The following AGBL1 variants were observed in gnomAD, a reference collection of about 807,000 sequenced individuals.
The protein encoded by AGBL1 is AGBL carboxypeptidase 1.
AGBL1 carries 130 observed loss-of-function variants against 118.9 expected under a neutral mutation model. That is an observed-to-expected ratio of 1.09 (90% CI 0.95 to 1.26). The LOEUF is 1.26. Among genes scored for constraint, AGBL1 ranks in the 50% most tolerant of loss-of-function variants. AGBL1 has a pLI of 0.00. For synonymous variants in AGBL1, 555 were observed against 478.9 expected (o/e 1.16, Z -2.08); for missense variants, 1,584 against 1,298.1 (o/e 1.22, Z -3.38).
intron 22 of AGBL1, among the ~76,000 whole-genome samples, chr15:86,800,676 G>C (rs1042100176): frequency 1.3e-5 from 2 of 152,154 alleles, no homozygotes; most frequent in African/African-American, 4.8e-5. Flanking sequence ...GTTCAAGCAT[G>C]AGCCATATGC....
At chr15:86,277,056 T>A (rs2141708465) in intron 15 of AGBL1, among the ~76,000 whole-genome samples, 1 of 152,304 alleles carries the variant, frequency 6.6e-6, no homozygotes, top group South Asian at 2.1e-4. Flanking sequence ...GACATTTGCT[T>A]TAGGTTCAGC....
In AGBL1 at chr15:86,615,835, T is replaced by C. The variant is rs1027164643; in HGVS notation, c.2995-58438T>C. On this transcript the variant is annotated intron_variant, in intron 21 of 22. Transcript: ENST00000614907. This position sits in a 1 kb window ranked among gnomAD's most constrained non-coding sequence, Gnocchi z 4.3. Reference sequence around the variant, plus strand: ...CAGATGGAAACTCAGGGAAAGACTGTTGTAAAATGAAAAATTAATTAATAG... The same window carrying C: ...CAGATGGAAACTCAGGGAAAGACTGCTGTAAAATGAAAAATTAATTAATAG... Among the ~76,000 whole-genome samples the C allele has an allele frequency of 1.3e-5, 2 of 152,022 alleles. No individual in the cohort carries two copies. Among genetic ancestry groups the C allele is most frequent in the Admixed American group, 1.3e-4 (2 of 15,272 alleles).
At chr15:86,776,776 G>A (rs2078262162) in intron 22 of AGBL1, among the ~76,000 whole-genome samples, 5 of 150,858 alleles carry the variant, frequency 3.3e-5, no homozygotes, top group Non-Finnish European at 4.4e-5. Flanking sequence ...GTGTGTGTGT[G>A]TGTGTGTGTG....
At chr15:86,256,609 T>C (rs917708434) in intron 7 of AGBL1, among the ~76,000 whole-genome samples, 1 of 152,236 alleles carries the variant, frequency 6.6e-6, no homozygotes, top group Non-Finnish European at 1.5e-5. Flanking sequence ...ATTGCAGTGA[T>C]GTATGAAATG....
At chr15:86,473,681 C>A (rs1192592013) in intron 18 of AGBL1, among the ~76,000 whole-genome samples, 1 of 152,100 alleles carries the variant, frequency 6.6e-6, no homozygotes, top group East Asian at 1.9e-4. Flanking sequence ...GACTGGAAAA[C>A]AATTTATTTG....
chr15:86,314,454 A>G (rs989479221), intron 17 of AGBL1, among the ~76,000 whole-genome samples: 1 of 152,224 alleles, frequency 6.6e-6, no homozygotes, highest in African/African-American at 2.4e-5. Flanking sequence ...TTTTGGCAGC[A>G]CAGTGAATTC....
At chr15:86,627,086 C>T (rs1037033395) in intron 21 of AGBL1, among the ~76,000 whole-genome samples, 15 of 151,944 alleles carry the variant, frequency 9.9e-5, no homozygotes, top group Admixed American at 3.9e-4. Context: ...CCGCAACCTC[C>T]GCCTCCTGGG....
intron 6 of AGBL1, among the ~76,000 whole-genome samples, chr15:86,231,026 G>T (rs1025813696): frequency 3.9e-5 from 6 of 152,194 alleles, no homozygotes; most frequent in Non-Finnish European, 5.9e-5. Flanking sequence ...AGATCTCTGA[G>T]ACTTCGAATG....
At chr15:86,795,022 C>T (rs1016427948) in intron 22 of AGBL1, among the ~76,000 whole-genome samples, 2 of 152,074 alleles carry the variant, frequency 1.3e-5, no homozygotes, top group African/African-American at 4.8e-5. Context: ...GACCCAGCAC[C>T]CTGGGGGATA....
At chr15:86,844,668 A>G (rs1211969528) in intron 22 of AGBL1, among the ~76,000 whole-genome samples, 2 of 151,762 alleles carry the variant, frequency 1.3e-5, no homozygotes, top group Non-Finnish European at 2.9e-5. Flanking sequence ...CTTGCATTTT[A>G]TTTTCTTTAT....
At position 86,301,641 on chromosome 15, in the gene AGBL1, GGTGTGTGTGTGTGTGTGTGTGT is replaced by G. The variant is rs60282415; in HGVS notation, c.2374+6265_2374+6286del. Among the ~76,000 whole-genome samples the G allele has an allele frequency of 1.6e-3, 213 of 137,326 alleles. 1 individual carries two copies. Among genetic ancestry groups the G allele is most frequent in the African/African-American group, 5.0e-3 (186 of 36,996 alleles). 90.1% of individuals were successfully genotyped at this position (137,326 alleles called of 152,430 possible). ...TCACTGAGGTACTCATAATCTACAGGGTGTGTGTGTGTGTGTGTGTGTGTGTGTGTGTGTGTGTGTGTGTGTG... is the reference window on the plus strand; with the variant it reads ...TCACTGAGGTACTCATAATCTACAGGGTGTGTGTGTGTGTGTGTGTGTGTG... On this transcript the variant is annotated intron_variant, in intron 17 of 22. Coordinates refer to ENST00000614907, the MANE Select transcript of AGBL1 (RefSeq NM_001386094.1).
At chr15:86,552,571 G>A (rs1443666173) in intron 20 of AGBL1, among the ~76,000 whole-genome samples, 13 of 152,210 alleles carry the variant, frequency 8.5e-5, no homozygotes, top group Admixed American at 7.2e-4. Context: ...AAATAATTAT[G>A]TAGTAACCTC....
chr15:86,598,035 C>G (rs901822444), intron 21 of AGBL1, among the ~76,000 whole-genome samples: 7 of 152,058 alleles, frequency 4.6e-5, no homozygotes, highest in African/African-American at 1.7e-4. Flanking sequence ...GTTCTATCAT[C>G]ATATTTTGTC....
chr15:86,902,912 G>T (rs995105418), intron 22 of AGBL1, among the ~76,000 whole-genome samples: 1 of 152,054 alleles, frequency 6.6e-6, no homozygotes, highest in East Asian at 1.9e-4. Flanking sequence ...CTGTTTGGGG[G>T]TTTTTCTAAG....
At chr15:86,712,547 G>T (rs2086577166) in intron 22 of AGBL1, among the ~76,000 whole-genome samples, 1 of 151,970 alleles carries the variant, frequency 6.6e-6, no homozygotes, top group African/African-American at 2.4e-5. Context: ...CAACTTAAAT[G>T]GTGCTTAATT....
intron 22 of AGBL1, among the ~76,000 whole-genome samples, chr15:86,802,108 G>T (rs1369502857): frequency 6.6e-6 from 1 of 152,090 alleles, no homozygotes; most frequent in Non-Finnish European, 1.5e-5. Context: ...TGGCTATACA[G>T]GGAGACTAAG....
In AGBL1 at chr15:86,203,199, A is replaced by G. The variant is rs543773644; in HGVS notation, c.489-21715A>G. On this transcript the variant is annotated intron_variant, in intron 5 of 22. Coordinates refer to ENST00000614907, the MANE Select transcript of AGBL1 (RefSeq NM_001386094.1). ...CCAAAAGTTGGGAGTTCACATCTGG[A>G]TAGAGGATCAGGAAATGCTTCATGG... Among the ~76,000 whole-genome samples the G allele has an allele frequency of 6.6e-5, 10 of 152,306 alleles. 1 individual carries two copies. In the South Asian group the frequency reaches 2.1e-3, roughly 32 times the overall value.
intron 22 of AGBL1, among the ~76,000 whole-genome samples, chr15:86,786,686 T>C (rs2078417057): frequency 1.3e-5 from 2 of 152,212 alleles, no homozygotes; most frequent in African/African-American, 2.4e-5. Flanking sequence ...TTTCATGTAA[T>C]TGTTGTCATG....
At position 86,266,449 on chromosome 15, in the gene AGBL1, T is replaced by C. The variant is rs974534545; in HGVS notation, c.1743T>C (p.Asp581=). 2 of 1,564,732 alleles carry C rather than the reference T, an allele frequency of 1.3e-6. No homozygotes were observed. Among genetic ancestry groups the C allele is most frequent in the African/African-American group, 2.7e-5 (2 of 74,062 alleles). The change falls in exon 12 of 23, where the codon GAT becomes GAC. Residue 581 remains aspartate (D), a synonymous_variant. Transcript: ENST00000614907. ...TAAATAAAGTTGTCTTCAGTTTAGA[T>C]GAGCCTTGGTAGGTAGTCTCGTGCA... ...DVINKVVFSL[D]EPWPLQDNAS... is the part of the protein sequence containing the mutation.
Sources: allele counts gnomAD v4.1 joint callset (sites outside exome capture counted in the v4.1 genomes callset), GRCh38; gene constraint gnomAD v4.1.1; non-coding constraint Gnocchi (gnomAD v3.1); transcripts MANE v1.5; gene names NCBI Gene and HGNC (gene_info 2026-07-23, HGNC 2026-07-21).